Variants in PARD3B observed in about 807,000 individuals in gnomAD.
The protein encoded by PARD3B is par-3 family cell polarity regulator beta.
In PARD3B, 103 loss-of-function variants were observed where a neutral mutation model predicts 130.2. The observed-to-expected ratio is 0.79, with a 90% CI of 0.67 to 0.93. The LOEUF (loss-of-function observed/expected upper bound fraction) is 0.93. Among genes scored for constraint, PARD3B ranks in the 40% least tolerant of loss-of-function variants. PARD3B has a pLI of 0.00. For synonymous variants in PARD3B, 583 were observed against 553.2 expected, an observed-to-expected ratio of 1.05 and a Z score of -0.76; for missense variants, 1,609 against 1,499.2, an observed-to-expected ratio of 1.07 and a Z score of -1.21.
intron 2 of PARD3B, among the ~76,000 whole-genome samples, chr2:204,844,771 G>T (rs1177415694): frequency 6.6e-6 from 1 of 152,040 alleles, no homozygotes; most frequent in Non-Finnish European, 1.5e-5. Context: ...TTTTTCTCAA[G>T]TGTATTTTTC....
chr2:204,758,323 C>A (rs889013967), intron 2 of PARD3B, among the ~76,000 whole-genome samples: 2 of 152,102 alleles, frequency 1.3e-5, no homozygotes, highest in African/African-American at 4.8e-5. Flanking sequence ...GGCATGAATC[C>A]CTAAGGCATG....
chr2:205,027,846 G>A (rs146866578), intron 3 of PARD3B, among the ~76,000 whole-genome samples: 1 of 151,964 alleles, frequency 6.6e-6, no homozygotes, highest in Non-Finnish European at 1.5e-5. Context: ...TGCATTCTTG[G>A]CACTCTTGTC....
chr2:204,629,667 G>T (rs562075304), intron 1 of PARD3B, among the ~76,000 whole-genome samples: 1 of 151,926 alleles, frequency 6.6e-6, no homozygotes, highest in African/African-American at 2.4e-5. Context: ...TGGGCCAGAC[G>T]TAGTGCTAAG....
intron 2 of PARD3B, among the ~76,000 whole-genome samples, chr2:204,694,571 A>T (rs1050999699): frequency 2.0e-5 from 3 of 152,038 alleles, no homozygotes; most frequent in Non-Finnish European, 2.9e-5. Flanking sequence ...TTTTTCTTCC[A>T]CCAAACTACG....
intron 4 of PARD3B, 66 bp downstream of exon 4, chr2:205,047,756 A>G: frequency 3.3e-6 from 4 of 1,201,030 alleles, no homozygotes; most frequent in Non-Finnish European, 4.8e-6. Flanking sequence ...GTTAAGTGGG[A>G]CTTTGCAGTT....
At chr2:204,787,457 A>G (rs2042052030) in intron 2 of PARD3B, among the ~76,000 whole-genome samples, 1 of 152,146 alleles carries the variant, frequency 6.6e-6, no homozygotes, top group East Asian at 1.9e-4. Flanking sequence ...CACCATTGCC[A>G]CTGGAGGTGG....
intron 2 of PARD3B, among the ~76,000 whole-genome samples, chr2:204,838,259 T>A (rs7593236): frequency 6.6e-6 from 1 of 151,946 alleles, no homozygotes; most frequent in African/African-American, 2.4e-5. Flanking sequence ...CTCGGCTCAC[T>A]GCAACCTCCA....
At chr2:204,779,419 G>C (rs1224528086) in intron 2 of PARD3B, among the ~76,000 whole-genome samples, 1 of 152,150 alleles carries the variant, frequency 6.6e-6, no homozygotes, top group Admixed American at 6.5e-5. Flanking sequence ...AGAATATTTA[G>C]TGAGCTGTCT....
intron 18 of PARD3B, among the ~76,000 whole-genome samples, chr2:205,357,253 G>A (rs1399237765): frequency 1.3e-5 from 2 of 152,192 alleles, no homozygotes; most frequent in Non-Finnish European, 2.9e-5. Flanking sequence ...GGAGTTTCGG[G>A]TGTGTATGTT....
intron 2 of PARD3B, among the ~76,000 whole-genome samples, chr2:204,897,058 A>T (rs1298215578): frequency 2.0e-5 from 3 of 152,208 alleles, no homozygotes. Context: ...AATACCATAG[A>T]TATTCTTATT....
intron 18 of PARD3B, among the ~76,000 whole-genome samples, chr2:205,377,034 T>G (rs1026890249): frequency 2.1e-4 from 32 of 152,066 alleles, no homozygotes; most frequent in African/African-American, 7.5e-4. Flanking sequence ...AGCACCAAAG[T>G]ATGTATTGGA....
intron 3 of PARD3B, among the ~76,000 whole-genome samples, chr2:204,981,076 C>T (rs1005358279): frequency 3.3e-5 from 5 of 152,066 alleles, no homozygotes; most frequent in Non-Finnish European, 7.4e-5. Flanking sequence ...ATAAATTCAT[C>T]AGAAATTACT....
At chr2:205,188,783 C>CA (rs68034154) in intron 14 of PARD3B, among the ~76,000 whole-genome samples, 3,947 of 97,100 alleles carry the variant, frequency 0.041, 148 homozygotes, top group African/African-American at 0.11. Context: ...TTCTGCCTTT[C>CA]AAAAAAAAAA....
In PARD3B at chr2:205,269,024, A is replaced by G. The variant is rs1434777397; in HGVS notation, c.2185+23202A>G. 6.6e-6 allele frequency among the ~76,000 whole-genome samples: 1 copy of G among 152,182 alleles called. No homozygotes were observed. Among genetic ancestry groups the G allele is most frequent in the African/African-American group, 2.4e-5 (1 of 41,468 alleles). ...AACCTGTGAAGCTCAAAGAATAGGT[A>G]TTATTCCATTTTGTAGATGAGAAAA... On this transcript the variant is annotated intron_variant, in intron 16 of 22. Transcript: ENST00000406610. This position sits in a 1 kb window ranked among gnomAD's most constrained non-coding sequence, Gnocchi z 4.7.
intron 2 of PARD3B, among the ~76,000 whole-genome samples, chr2:204,772,680 A>T (rs1312043040): frequency 1.3e-5 from 2 of 152,218 alleles, no homozygotes; most frequent in African/African-American, 4.8e-5. Context: ...TACATTACAG[A>T]AACTTCAGTT....
intron 1 of PARD3B, among the ~76,000 whole-genome samples, chr2:204,583,964 G>A (rs1332130820): frequency 1.3e-5 from 2 of 152,218 alleles, no homozygotes; most frequent in Non-Finnish European, 2.9e-5. Flanking sequence ...AGTTCCTGGT[G>A]ACCTCACTGG....
At chr2:204,867,361 T>G (rs919584043) in intron 2 of PARD3B, among the ~76,000 whole-genome samples, 5 of 152,210 alleles carry the variant, frequency 3.3e-5, no homozygotes, top group Non-Finnish European at 4.4e-5. Context: ...GCTCAAGGTC[T>G]GCGTTGGTGG....
chr2:205,208,809 G>T (rs2037463881), intron 15 of PARD3B, among the ~76,000 whole-genome samples: 1 of 144,692 alleles, frequency 6.9e-6, no homozygotes, highest in African/African-American at 2.7e-5. Flanking sequence ...GTAATTTACA[G>T]ATTCAATGCC....
chr2:204,960,869 G>A (rs1283183093), intron 2 of PARD3B, among the ~76,000 whole-genome samples: 1 of 152,156 alleles, frequency 6.6e-6, no homozygotes, highest in Non-Finnish European at 1.5e-5. Flanking sequence ...AATACAGAGA[G>A]TAATGAAGAT....
Sources: gnomAD v4.1 joint callset for allele counts (sites outside exome capture counted in the v4.1 genomes callset) on GRCh38, gnomAD v4.1.1 for gene constraint, Gnocchi (gnomAD v3.1) non-coding constraint, MANE v1.5 for transcripts, NCBI Gene and HGNC (gene_info 2026-07-23, HGNC 2026-07-21) for gene names.